WDFY3: variants seen among roughly 807,000 people sequenced by gnomAD.
WDFY3 encodes the protein WD repeat and FYVE domain-containing protein 3.
WDFY3 carries 66 observed loss-of-function variants against 409.6 expected under a neutral mutation model. The observed-to-expected ratio is 0.16, with a 90% CI of 0.13 to 0.20. The LOEUF (loss-of-function observed/expected upper bound fraction) is 0.20. Ranked by LOEUF, WDFY3 falls within the 10% of genes least tolerant of loss-of-function variation. The pLI is 1.00. For missense variants in WDFY3, 3,031 were observed against 4,298.1 expected (o/e 0.71, Z 8.24); for synonymous variants, 1,521 against 1,537.1 (o/e 0.99, Z 0.25).
intron 3 of WDFY3, among the ~76,000 whole-genome samples, chr4:84,882,948 C>A (rs1266717645): frequency 3.9e-5 from 6 of 152,082 alleles, no homozygotes; most frequent in African/African-American, 1.4e-4. Flanking sequence ...CTAGAGCGAT[C>A]CTCCCACCTT....
At chr4:84,926,815 G>A (rs1318637898) in intron 2 of WDFY3, among the ~76,000 whole-genome samples, 1 of 152,018 alleles carries the variant, frequency 6.6e-6, no homozygotes, top group Admixed American at 6.6e-5. Context: ...CAATTCAACA[G>A]ACCTTCCCCT....
At chr4:84,750,075 T>A (rs1740237253) in intron 36 of WDFY3, among the ~76,000 whole-genome samples, 1 of 152,222 alleles carries the variant, frequency 6.6e-6, no homozygotes, top group South Asian at 2.1e-4. Context: ...CCTTTTTTGA[T>A]CAGTTATGCT....
intron 36 of WDFY3, among the ~76,000 whole-genome samples, chr4:84,746,500 T>G (rs773135327): frequency 6.6e-6 from 1 of 152,178 alleles, no homozygotes; most frequent in African/African-American, 2.4e-5. Flanking sequence ...ATATTCTTTC[T>G]TATTCCAGAA....
rs922540057 is a variant in WDFY3, at chr4:84,826,667, T to C, written c.1123+148A>G. Reference sequence around the variant, plus strand: ...TTAAAGGTTATTACTTAAGAAATACTTAAACCATTAAAAAAAAAACAAGCT... The same window carrying C: ...TTAAAGGTTATTACTTAAGAAATACCTAAACCATTAAAAAAAAAACAAGCT... On this transcript the variant is annotated intron_variant, in intron 10 of 67. Transcript: ENST00000295888. 15 of 653,032 alleles carry C rather than the reference T, an allele frequency of 2.3e-5. No individual in the cohort carries two copies. In the African/African-American group the frequency reaches 2.5e-4, roughly 11 times the overall value. 40.5% of individuals were successfully genotyped at this position (653,032 alleles called of 1,614,324 possible). A position where few individuals can be genotyped will look rare whatever the true frequency, so the allele number is the denominator to read the frequency against.
intron 2 of WDFY3, among the ~76,000 whole-genome samples, chr4:84,919,511 C>T (rs1030944887): frequency 6.6e-6 from 1 of 152,042 alleles, no homozygotes; most frequent in Non-Finnish European, 1.5e-5. Flanking sequence ...TGTCCCTACC[C>T]AAATCTCATT....
At chr4:84,678,095 G>T in intron 66 of WDFY3, 73 bp downstream of exon 66, 1 of 1,063,652 alleles carries the variant, frequency 9.4e-7, no homozygotes, top group Non-Finnish European at 1.5e-6. Context: ...CAAAGACTGG[G>T]CTGGAGTATG....
chr4:84,802,065 A>G (rs1396472080), intron 16 of WDFY3, among the ~76,000 whole-genome samples: 1 of 151,286 alleles, frequency 6.6e-6, no homozygotes, highest in Non-Finnish European at 1.5e-5. Flanking sequence ...CTCCTGCCAC[A>G]GCCTCCCAAG....
chr4:84,928,166 G>A (rs1318339760), intron 2 of WDFY3, among the ~76,000 whole-genome samples: 1 of 152,210 alleles, frequency 6.6e-6, no homozygotes, highest in Non-Finnish European at 1.5e-5. Context: ...TCTGAAGCCA[G>A]GATGCCCTTC....
intron 48 of WDFY3, 149 bp from the exon 49 acceptor site, chr4:84,717,165 G>T (rs528682019): frequency 6.6e-6 from 6 of 909,260 alleles, no homozygotes; most frequent in Non-Finnish European, 8.7e-6. Context: ...TTTACAAGAA[G>T]AATTTGTTAG....
chr4:84,790,680 T>A (rs1216036421), intron 21 of WDFY3, among the ~76,000 whole-genome samples: 1 of 152,128 alleles, frequency 6.6e-6, no homozygotes, highest in Non-Finnish European at 1.5e-5. Flanking sequence ...ATCTATGGAA[T>A]GGGAGAAAAA....
chr4:84,953,600 G>A (rs985312509), intron 1 of WDFY3, among the ~76,000 whole-genome samples: 2 of 152,064 alleles, frequency 1.3e-5, no homozygotes, highest in Admixed American at 6.5e-5. Flanking sequence ...GTCATACTTA[G>A]TACAATTTTT....
intron 1 of WDFY3, among the ~76,000 whole-genome samples, chr4:84,937,315 T>C (rs1260443394): frequency 2.6e-5 from 4 of 152,260 alleles, no homozygotes; most frequent in Non-Finnish European, 4.4e-5. Context: ...ACCAACTCTA[T>C]TGGTTTCATC....
At chr4:84,689,186 T>G (rs1728833566) in intron 61 of WDFY3, among the ~76,000 whole-genome samples, 1 of 152,216 alleles carries the variant, frequency 6.6e-6, no homozygotes, top group Non-Finnish European at 1.5e-5. Flanking sequence ...GTAGGTATTT[T>G]TTACAGATTG....
intron 13 of WDFY3, among the ~76,000 whole-genome samples, chr4:84,815,284 A>G (rs576049304): frequency 3.3e-5 from 5 of 152,228 alleles, no homozygotes; most frequent in Admixed American, 2.6e-4. Flanking sequence ...CTTCATTCAG[A>G]TTCTTGAAAA....
intron 3 of WDFY3, among the ~76,000 whole-genome samples, chr4:84,863,108 T>C (rs1760886577): frequency 6.6e-6 from 1 of 152,226 alleles, no homozygotes; most frequent in South Asian, 2.1e-4. Flanking sequence ...TCTGCTTTTC[T>C]TTGTCATTCT....
At chr4:84,706,082 T>C (rs1731890333) in intron 53 of WDFY3, among the ~76,000 whole-genome samples, 1 of 152,350 alleles carries the variant, frequency 6.6e-6, no homozygotes, top group Admixed American at 6.5e-5. Context: ...ATGAGATGGA[T>C]TCTTCTAGTT....
At chr4:84,683,217 T>C (rs1333397354) in intron 63 of WDFY3, among the ~76,000 whole-genome samples, 3 of 152,162 alleles carry the variant, frequency 2.0e-5, no homozygotes, top group Admixed American at 2.0e-4. Flanking sequence ...TGAGTTTTTG[T>C]GTGTGCACAG....
chr4:84,802,070 C>T (rs1750676618), intron 16 of WDFY3, among the ~76,000 whole-genome samples: 1 of 151,704 alleles, frequency 6.6e-6, no homozygotes, highest in Admixed American at 6.6e-5. Context: ...GCCACAGCCT[C>T]CCAAGTAACT....
chr4:84,925,977 A>C (rs1339960027), intron 2 of WDFY3, among the ~76,000 whole-genome samples: 3 of 151,572 alleles, frequency 2.0e-5, no homozygotes, highest in Non-Finnish European at 4.4e-5. Flanking sequence ...ACTGGGTTTA[A>C]AAAGGTAAGG....
Sources: allele counts gnomAD v4.1 joint callset (sites outside exome capture counted in the v4.1 genomes callset), GRCh38; gene constraint gnomAD v4.1.1; transcripts MANE v1.5; gene names NCBI Gene and HGNC (gene_info 2026-07-23, HGNC 2026-07-21).